Variants in SPMIP11 observed in about 807,000 individuals in gnomAD.
SPMIP11 encodes the protein sperm microtubule inner protein 11.
chr12:48,737,441 T>C, the SPMIP11 span, among the ~76,000 whole-genome samples: 1 of 148,118 alleles, frequency 6.8e-6, no homozygotes, highest in African/African-American at 2.5e-5. Flanking sequence ...TGAGATGGAG[T>C]CTCACTCTTA....
chr12:48,749,684 T>C, the SPMIP11 span, among the ~76,000 whole-genome samples: 1 of 68,834 alleles, frequency 1.5e-5, no homozygotes, highest in Non-Finnish European at 4.8e-5. Flanking sequence ...CTGTCTCTGG[T>C]TCTTCTTCTT....
chr12:48,762,008 C>T, the SPMIP11 span, among the ~76,000 whole-genome samples: 2 of 144,352 alleles, frequency 1.4e-5, no homozygotes, highest in African/African-American at 5.1e-5. Context: ...CCTTATAATA[C>T]TCTTATATGA....
chr12:48,744,375 C>T, the SPMIP11 span, among the ~76,000 whole-genome samples: 1 of 151,992 alleles, frequency 6.6e-6, no homozygotes, highest in Non-Finnish European at 1.5e-5. Flanking sequence ...CACTGTACTA[C>T]AGCCTGGGTG....
the SPMIP11 span, among the ~76,000 whole-genome samples, chr12:48,745,546 C>T: frequency 1.3e-5 from 2 of 152,084 alleles, no homozygotes; most frequent in Non-Finnish European, 2.9e-5. Context: ...GCGGATATTG[C>T]AGGGAGCCGA....
the SPMIP11 span, among the ~76,000 whole-genome samples, chr12:48,762,919 T>G: frequency 6.6e-6 from 1 of 152,096 alleles, no homozygotes; most frequent in East Asian, 1.9e-4. Context: ...TTGTTTTTAA[T>G]AGAGACAGGG....
At chr12:48,729,264 G>A in the SPMIP11 span, among the ~76,000 whole-genome samples, 7 of 151,622 alleles carry the variant, frequency 4.6e-5, no homozygotes, top group East Asian at 3.9e-4. Flanking sequence ...AGCCGGGCGC[G>A]GTGGCTCACG....
chr12:48,736,169 C>T, the SPMIP11 span: 25 of 418,190 alleles, frequency 6.0e-5, no homozygotes, highest in African/African-American at 5.0e-4. Context: ...TTTGGAAGCC[C>T]GAGGTGAGTG....
the SPMIP11 span, among the ~76,000 whole-genome samples, chr12:48,762,547 T>C: frequency 1.3e-5 from 2 of 151,478 alleles, no homozygotes; most frequent in South Asian, 4.2e-4. Flanking sequence ...TTTGTATTTT[T>C]AGTAGAGACG....
chr12:48,738,539 CT>C, the SPMIP11 span, among the ~76,000 whole-genome samples: 43,712 of 142,732 alleles, frequency 0.31, 6,912 homozygotes, highest in East Asian at 0.73. Flanking sequence ...TCTTTTTTTT[CT>C]TTTTTTTTTT....
chr12:48,765,001 G>C, the SPMIP11 span: 13 of 702,466 alleles, frequency 1.9e-5, no homozygotes, highest in South Asian at 1.8e-4. Flanking sequence ...ACCAGGTTAG[G>C]CTGGGAGGGG....
the SPMIP11 span, among the ~76,000 whole-genome samples, chr12:48,739,708 A>G: frequency 2.0e-5 from 3 of 152,254 alleles, no homozygotes; most frequent in East Asian, 5.8e-4. Context: ...CTTTTAAACA[A>G]CTAGATCTTG....
chr12:48,733,764 C>CTTTTTTTTTT, the SPMIP11 span, among the ~76,000 whole-genome samples: 5 of 82,902 alleles, frequency 6.0e-5, no homozygotes, highest in Admixed American at 1.8e-4. Context: ...AATGCAGATT[C>CTTTTTTTTTT]TTTTTTTTTT....
the SPMIP11 span, among the ~76,000 whole-genome samples, chr12:48,731,448 G>A: frequency 4.0e-5 from 6 of 151,174 alleles, no homozygotes; most frequent in African/African-American, 7.3e-5. Flanking sequence ...CCGAGATTGC[G>A]CCACTGCCCT....
At chr12:48,769,944 G>A in the SPMIP11 span, among the ~76,000 whole-genome samples, 1 of 151,814 alleles carries the variant, frequency 6.6e-6, no homozygotes, top group South Asian at 2.1e-4. Flanking sequence ...TGTATTTTTA[G>A]TAGAGACGGA....
At chr12:48,756,771 C>CTTTCTTTTTTTTTTTTTTTTTTTTTT in the SPMIP11 span, among the ~76,000 whole-genome samples, 2 of 108,648 alleles carry the variant, frequency 1.8e-5, 1 homozygote, top group Non-Finnish European at 4.8e-5. Flanking sequence ...ATTTTTTTTT[C>CTTTCTTTTTTTTTTTTTTTTTTTTTT]TTTTTTTCTT....
At chr12:48,757,292 C>T in the SPMIP11 span, among the ~76,000 whole-genome samples, 1 of 152,060 alleles carries the variant, frequency 6.6e-6, no homozygotes, top group Admixed American at 6.6e-5. Context: ...CTCATCCTCC[C>T]TTGCTCAGGA....
At chr12:48,752,846 T>C in the SPMIP11 span, among the ~76,000 whole-genome samples, 2 of 151,970 alleles carry the variant, frequency 1.3e-5, no homozygotes, top group Non-Finnish European at 2.9e-5. Flanking sequence ...TAATTTTTTG[T>C]ATTTTAGTAG....
At chr12:48,733,313 G>T in the SPMIP11 span, among the ~76,000 whole-genome samples, 7 of 151,880 alleles carry the variant, frequency 4.6e-5, no homozygotes, top group Middle Eastern at 3.2e-3. Flanking sequence ...GACCTCAAGT[G>T]ATCCTCCCAC....
the SPMIP11 span, among the ~76,000 whole-genome samples, chr12:48,744,989 G>A: frequency 2.0e-5 from 3 of 152,074 alleles, no homozygotes; most frequent in Non-Finnish European, 2.9e-5. Flanking sequence ...ATATTAAAGA[G>A]GCCGGGCGTG....
Sources: gnomAD v4.1 joint callset for allele counts (sites outside exome capture counted in the v4.1 genomes callset) on GRCh38, gnomAD v4.1.1 for gene constraint, MANE v1.5 for transcripts, NCBI Gene and HGNC (gene_info 2026-07-23, HGNC 2026-07-21) for gene names.